Variants in FKBP5 observed in about 807,000 individuals in gnomAD.
The protein encoded by FKBP5 is peptidyl-prolyl cis-trans isomerase FKBP5.
Under a neutral mutation model 50.5 loss-of-function variants are expected in FKBP5, and 23 were observed. The ratio of observed to expected loss-of-function variants is 0.46; its 90% confidence interval spans 0.33 to 0.65. FKBP5 has a LOEUF of 0.65. Among genes scored for constraint, FKBP5 ranks in the 30% least tolerant of loss-of-function variants. The pLI, the probability that FKBP5 is intolerant of heterozygous loss-of-function variation, is 0.02. For missense variants in FKBP5, 411 were observed against 553.1 expected (o/e 0.74, Z 2.58); for synonymous variants, 176 against 190.6 (o/e 0.92, Z 0.63).
At position 35,576,978 on chromosome 6, in the gene FKBP5, C is replaced by G; in HGVS notation, c.1266+16G>C. 4 of 1,612,522 alleles carry G rather than the reference C, an allele frequency of 2.5e-6. No homozygotes were observed. The highest frequency in any genetic ancestry group is 3.4e-6 in the Non-Finnish European group (4 of 1,179,344). Reference sequence around the variant, plus strand: ...AGGCTCTTGATCCACCTGCAGTCATCAGGCTCTGCACACACCTTGGCATCC... The same window carrying G: ...AGGCTCTTGATCCACCTGCAGTCATGAGGCTCTGCACACACCTTGGCATCC... On this transcript the variant is annotated intron_variant, in intron 10 of 10. Transcript: ENST00000357266.
At chr6:35,692,457 T>C (rs1244423231), upstream of FKBP5, among the ~76,000 whole-genome samples, 1 of 152,214 alleles carries the variant, frequency 6.6e-6, no homozygotes, top group Non-Finnish European at 1.5e-5. Context: ...TACCTTCATC[T>C]TGGTTTCAGA....
intron 8 of FKBP5, chr6:35,581,378 G>T: frequency 4.4e-6 from 1 of 227,384 alleles, no homozygotes; most frequent in East Asian, 1.8e-4. Context: ...GGCCGAGACA[G>T]GTGGATCACC....
intron 1 of FKBP5, among the ~76,000 whole-genome samples, chr6:35,684,738 A>G (rs567522495): frequency 3.9e-5 from 6 of 152,314 alleles, no homozygotes; most frequent in Non-Finnish European, 7.4e-5. Flanking sequence ...CCAAGAGGCT[A>G]TAAGTCGGCC....
At chr6:35,672,408 T>C (rs1301736023) in intron 1 of FKBP5, among the ~76,000 whole-genome samples, 1 of 151,812 alleles carries the variant, frequency 6.6e-6, no homozygotes, top group Non-Finnish European at 1.5e-5. Context: ...TCAACTTCAG[T>C]GTTTAAAAAT....
Position 35,688,887 on chromosome 6 carries a change from C to G in FKBP5, c.-103G>C, listed in dbSNP as rs995945369. The G allele has an allele frequency of 7.9e-5, 12 of 151,442 alleles. No homozygotes were observed. Among genetic ancestry groups the G allele is most frequent in the Non-Finnish European group, 1.5e-4 (10 of 68,068 alleles). 9.4% of individuals were successfully genotyped at this position (151,442 alleles called of 1,614,324 possible). On this transcript the variant is annotated 5_prime_UTR_variant, in exon 1 of 11. Coordinates refer to ENST00000357266, the MANE Select transcript of FKBP5 (RefSeq NM_004117.4). The stretch of plus-strand genomic sequence containing the variant: ...CCCTTCAGCCCGCCCAGCAGGCCGC[C>G]CGCGCGCCGGACACCGCCGCCCGAG...
chr6:35,607,890 AG>A (rs1334768750), intron 5 of FKBP5: 2 of 179,834 alleles, frequency 1.1e-5, no homozygotes, highest in African/African-American at 4.8e-5. Context: ...GGAGGAGCTG[AG>A]CAATGTCCTG....
intron 1 of FKBP5, among the ~76,000 whole-genome samples, chr6:35,652,388 C>G (rs1009872915): frequency 2.0e-5 from 3 of 152,230 alleles, no homozygotes; most frequent in South Asian, 2.1e-4. Context: ...TATTTCTCTT[C>G]TTTCAAAAGC....
At chr6:35,630,012 T>G (rs1254119321) in intron 3 of FKBP5, among the ~76,000 whole-genome samples, 1 of 152,136 alleles carries the variant, frequency 6.6e-6, no homozygotes, top group African/African-American at 2.4e-5. Context: ...GACTCATGCT[T>G]GTAATCCCAG....
intron 1 of FKBP5, among the ~76,000 whole-genome samples, chr6:35,673,380 T>A (rs867898315): frequency 2.6e-5 from 4 of 151,994 alleles, no homozygotes; most frequent in African/African-American, 9.7e-5. Context: ...TGAGACCCCA[T>A]CTCTACAGAA....
At chr6:35,607,822 G>C (rs1221357649) in intron 5 of FKBP5, 1 of 223,366 alleles carries the variant, frequency 4.5e-6, no homozygotes, top group Non-Finnish European at 1.0e-5. Flanking sequence ...AGGTCTCCAA[G>C]GACAAATGGG....
chr6:35,674,011 G>A (rs1765462590), intron 1 of FKBP5, among the ~76,000 whole-genome samples: 1 of 152,136 alleles, frequency 6.6e-6, no homozygotes, highest in South Asian at 2.1e-4. Context: ...CTGGACTAGA[G>A]GATGGTTCCC....
chr6:35,625,815 T>C (rs1231408659), intron 3 of FKBP5, among the ~76,000 whole-genome samples: 1 of 150,526 alleles, frequency 6.6e-6, no homozygotes, highest in Non-Finnish European at 1.5e-5. Flanking sequence ...AGTCTCGCTC[T>C]GTCGCCCAGG....
intron 1 of FKBP5, among the ~76,000 whole-genome samples, chr6:35,651,186 TCAAA>T (rs1342486699): frequency 1.4e-4 from 22 of 152,338 alleles, no homozygotes; most frequent in African/African-American, 4.6e-4. Context: ...ACCAAACTGC[TCAAA>T]CAGTGTTACC....
chr6:35,687,791 C>G (rs1367366681), intron 1 of FKBP5, among the ~76,000 whole-genome samples: 1 of 152,202 alleles, frequency 6.6e-6, no homozygotes, highest in East Asian at 1.9e-4. Flanking sequence ...TGAAGGGTAT[C>G]TACAATTCTG....
At chr6:35,606,654 C>T (rs1287153398) in intron 5 of FKBP5, among the ~76,000 whole-genome samples, 15 of 60,308 alleles carry the variant, frequency 2.5e-4, no homozygotes, top group African/African-American at 1.0e-3. Context: ...AATGAGACTC[C>T]GTCTCAAAAA....
intron 1 of FKBP5, among the ~76,000 whole-genome samples, chr6:35,728,031 C>T (rs891672120): frequency 1.4e-4 from 22 of 152,164 alleles, no homozygotes; most frequent in Non-Finnish European, 2.6e-4. Flanking sequence ...CGGGAGGCTG[C>T]GCGCCGAGCG....
At chr6:35,617,234 T>A (rs191069172) in intron 5 of FKBP5, among the ~76,000 whole-genome samples, 127 of 152,246 alleles carry the variant, frequency 8.3e-4, no homozygotes, top group Admixed American at 7.6e-3. Flanking sequence ...GCCAGACTCG[T>A]AGAAATGAAA....
chr6:35,695,331 T>A (rs576001829), intron 2 of FKBP5, among the ~76,000 whole-genome samples: 21 of 152,200 alleles, frequency 1.4e-4, no homozygotes, highest in African/African-American at 5.1e-4. Flanking sequence ...GCCTGACTAA[T>A]CTTTTGTATT....
chr6:35,664,058 C>T (rs1470466039), intron 1 of FKBP5, among the ~76,000 whole-genome samples: 5 of 152,196 alleles, frequency 3.3e-5, no homozygotes, highest in Admixed American at 6.5e-5. Context: ...ATACTGACTC[C>T]CCAGAAGTGT....
Sources: gnomAD v4.1 joint callset for allele counts (sites outside exome capture counted in the v4.1 genomes callset) on GRCh38, gnomAD v4.1.1 for gene constraint, MANE v1.5 for transcripts, NCBI Gene and HGNC (gene_info 2026-07-23, HGNC 2026-07-21) for gene names.